Variants in ATG5 observed in about 807,000 individuals in gnomAD.
ATG5 encodes autophagy related 5.
A neutral mutation model predicts 36.5 loss-of-function variants in ATG5; 14 were observed. That is an observed-to-expected ratio of 0.38 (90% CI 0.25 to 0.60). ATG5 has a LOEUF of 0.60. Among genes scored for constraint, ATG5 ranks in the 20% least tolerant of loss-of-function variants. ATG5 has a pLI of 0.60. For synonymous variants in ATG5, 95 were observed against 101.5 expected (o/e 0.94, Z 0.38); for missense variants, 195 against 326.7 (o/e 0.60, Z 3.11).
In ATG5 at chr6:106,186,087, T is replaced by C. The variant is rs999391207; in HGVS notation, c.*453A>G. 1 of 154,544 alleles carries C rather than the reference T, an allele frequency of 6.5e-6. No individual in the cohort carries two copies. Among genetic ancestry groups the C allele is most frequent in the Non-Finnish European group, 1.4e-5 (1 of 69,276 alleles). The allele number at this position is 154,544 out of a possible 1,614,324, so 9.6% of individuals were successfully genotyped here. On this transcript the variant is annotated 3_prime_UTR_variant, in exon 8 of 8. Transcript: ENST00000369076. ...TTTACAAAAAATTACTTGCAAGTTA[T>C]TGATAACAGAATTTCTCTTTTACTT...
intron 5 of ATG5, among the ~76,000 whole-genome samples, chr6:106,250,707 A>T (rs562681289): frequency 6.6e-6 from 1 of 152,332 alleles, no homozygotes; most frequent in South Asian, 2.1e-4. Context: ...ATGAAATCTC[A>T]AGCACCTAGC....
At chr6:106,298,258 G>A (rs909401799) in intron 3 of ATG5, among the ~76,000 whole-genome samples, 6 of 152,096 alleles carry the variant, frequency 3.9e-5, no homozygotes, top group South Asian at 2.1e-4. Flanking sequence ...TGCACCCAGC[G>A]CTAGCCTGTC....
At chr6:106,251,871 C>T (rs551451592) in intron 5 of ATG5, among the ~76,000 whole-genome samples, 74 of 151,930 alleles carry the variant, frequency 4.9e-4, no homozygotes, top group Middle Eastern at 3.4e-3. Flanking sequence ...GACAGAGTCT[C>T]GCTCTGTCAC....
At chr6:106,258,560 T>C (rs1339396877) in intron 5 of ATG5, among the ~76,000 whole-genome samples, 1 of 152,158 alleles carries the variant, frequency 6.6e-6, no homozygotes, top group Non-Finnish European at 1.5e-5. Context: ...TTCACACAAC[T>C]TACTGATATA....
At chr6:106,239,908 GAAGA>G (rs1411858800) in intron 6 of ATG5, among the ~76,000 whole-genome samples, 2 of 152,300 alleles carry the variant, frequency 1.3e-5, no homozygotes, top group Non-Finnish European at 2.9e-5. Flanking sequence ...TCTGGCCCTT[GAAGA>G]AAGTTTGCCA....
At chr6:106,300,051 T>C (rs1175821694) in intron 3 of ATG5, among the ~76,000 whole-genome samples, 1 of 152,238 alleles carries the variant, frequency 6.6e-6, no homozygotes, top group East Asian at 1.9e-4. Context: ...CACAGCTTTC[T>C]AAGCCCATTC....
intron 4 of ATG5, among the ~76,000 whole-genome samples, chr6:106,285,470 C>T (rs576984442): frequency 6.6e-6 from 1 of 152,152 alleles, no homozygotes; most frequent in African/African-American, 2.4e-5. Context: ...ATTATACTGT[C>T]TTCCTTTAAG....
intron 5 of ATG5, among the ~76,000 whole-genome samples, chr6:106,272,799 G>A (rs1582638668): frequency 6.6e-6 from 1 of 152,180 alleles, no homozygotes; most frequent in East Asian, 1.9e-4. Context: ...GACTGAATTT[G>A]CAGCCATGAA....
chr6:106,218,104 G>A (rs1417847515), intron 6 of ATG5, among the ~76,000 whole-genome samples: 2 of 152,078 alleles, frequency 1.3e-5, no homozygotes, highest in Non-Finnish European at 2.9e-5. Context: ...CTTTGGTAAG[G>A]GGTTGAGTAA....
chr6:106,316,385 AAC>A, intron 1 of ATG5, 119 bp from the exon 2 acceptor site: 4 of 457,074 alleles, frequency 8.8e-6, no homozygotes, highest in Middle Eastern at 4.8e-4. Flanking sequence ...AAAAAAAAAA[AAC>A]GATGATCACC....
chr6:106,242,302 T>A (rs1778160150), intron 6 of ATG5, among the ~76,000 whole-genome samples: 1 of 151,958 alleles, frequency 6.6e-6, no homozygotes, highest in Admixed American at 6.6e-5. Context: ...TTCTGACACA[T>A]AATACAATAT....
At chr6:106,297,825 C>T (rs1370154285) in intron 3 of ATG5, among the ~76,000 whole-genome samples, 4 of 151,406 alleles carry the variant, frequency 2.6e-5, no homozygotes, top group African/African-American at 9.7e-5. Flanking sequence ...AATCCTAGCA[C>T]TATGGAAGGC....
intron 7 of ATG5, among the ~76,000 whole-genome samples, chr6:106,196,011 T>C (rs1776170022): frequency 6.6e-6 from 1 of 152,116 alleles, no homozygotes. Context: ...AGAATAAAGG[T>C]GTATTCTGAG....
At chr6:106,266,064 T>C (rs559774772) in intron 5 of ATG5, among the ~76,000 whole-genome samples, 1 of 149,840 alleles carries the variant, frequency 6.7e-6, no homozygotes, top group Non-Finnish European at 1.5e-5. Flanking sequence ...ATCCAGCAGC[T>C]GGTTTTTTGA....
At chr6:106,317,681 A>C (rs1444354558) in intron 1 of ATG5, among the ~76,000 whole-genome samples, 1 of 152,246 alleles carries the variant, frequency 6.6e-6, no homozygotes, top group African/African-American at 2.4e-5. Context: ...ACATGCATGT[A>C]AACTTCATAT....
At chr6:106,246,622 T>C (rs1231381393) in intron 6 of ATG5, among the ~76,000 whole-genome samples, 2 of 152,176 alleles carry the variant, frequency 1.3e-5, no homozygotes. Context: ...TACAGGAGTT[T>C]AAAGAAGTTA....
chr6:106,268,804 C>T (rs997641350), intron 5 of ATG5, among the ~76,000 whole-genome samples: 10 of 151,948 alleles, frequency 6.6e-5, no homozygotes, highest in Admixed American at 6.6e-4. Context: ...CATGTTCTCA[C>T]TCATTAGTGG....
chr6:106,189,481 C>T (rs1775891400), intron 7 of ATG5, among the ~76,000 whole-genome samples: 1 of 151,690 alleles, frequency 6.6e-6, no homozygotes, highest in Admixed American at 6.6e-5. Context: ...TTTAGCTGGG[C>T]GTGGTGGTGC....
intron 5 of ATG5, among the ~76,000 whole-genome samples, chr6:106,249,355 G>A (rs1778473501): frequency 6.6e-6 from 1 of 152,104 alleles, no homozygotes; most frequent in Non-Finnish European, 1.5e-5. Flanking sequence ...ATAATATGTG[G>A]TTCTTTTGCA....
Sources: gnomAD v4.1 joint callset for allele counts (sites outside exome capture counted in the v4.1 genomes callset) on GRCh38, gnomAD v4.1.1 for gene constraint, MANE v1.5 for transcripts, NCBI Gene and HGNC (gene_info 2026-07-23, HGNC 2026-07-21) for gene names.